XIRP2: variants seen among roughly 807,000 people sequenced by gnomAD.
XIRP2 encodes the protein xin actin-binding repeat-containing protein 2.
A neutral mutation model predicts 277.0 loss-of-function variants in XIRP2; 236 were observed. The observed-to-expected ratio is 0.85, with a 90% CI of 0.77 to 0.95. The LOEUF is 0.95. Ranked by LOEUF, XIRP2 falls within the 40% of genes least tolerant of loss-of-function variation. XIRP2 has a pLI of 0.00. For synonymous variants in XIRP2, 1,490 were observed against 1,416.5 expected (o/e 1.05, Z -1.17); for missense variants, 4,640 against 4,157.5 (o/e 1.12, Z -3.19).
intron 2 of XIRP2, among the ~76,000 whole-genome samples, chr2:167,088,107 G>T (rs1389941611): frequency 6.6e-6 from 1 of 152,098 alleles, no homozygotes; most frequent in East Asian, 1.9e-4. Flanking sequence ...GAAAGAATAG[G>T]AAGTATAGTT....
At chr2:167,098,653 A>C (rs1690395767) in intron 2 of XIRP2, among the ~76,000 whole-genome samples, 1 of 152,172 alleles carries the variant, frequency 6.6e-6, no homozygotes, top group Non-Finnish European at 1.5e-5. Flanking sequence ...GCCTTTTTGC[A>C]TGGGCTTTTC....
chr2:166,922,986 A>G (rs762938521), intron 2 of XIRP2, among the ~76,000 whole-genome samples: 10 of 151,924 alleles, frequency 6.6e-5, no homozygotes, highest in Non-Finnish European at 1.5e-4. Context: ...TTTGATCCTC[A>G]AGGGTATTCA....
intron 2 of XIRP2, among the ~76,000 whole-genome samples, chr2:166,976,823 A>G (rs1686729368): frequency 6.6e-6 from 1 of 152,168 alleles, no homozygotes; most frequent in Admixed American, 6.5e-5. Context: ...GGGGCTCTCC[A>G]TTTCCTCCAA....
intron 5 of XIRP2, among the ~76,000 whole-genome samples, chr2:167,231,783 A>C (rs934595515): frequency 1.3e-5 from 2 of 151,960 alleles, no homozygotes; most frequent in Non-Finnish European, 2.9e-5. Flanking sequence ...ATAGACAATC[A>C]ATTTTGATAA....
At chr2:167,110,952 T>C (rs991941410) in intron 2 of XIRP2, among the ~76,000 whole-genome samples, 9 of 152,264 alleles carry the variant, frequency 5.9e-5, no homozygotes, top group African/African-American at 2.2e-4. Context: ...AGGATTGCAT[T>C]CCTGATTTGG....
intron 2 of XIRP2, among the ~76,000 whole-genome samples, chr2:166,999,326 T>A (rs1042987440): frequency 6.6e-6 from 1 of 152,166 alleles, no homozygotes; most frequent in Admixed American, 6.5e-5. Context: ...TATTTTATTC[T>A]GTTTATTTCT....
intron 3 of XIRP2, among the ~76,000 whole-genome samples, chr2:167,199,793 C>T (rs887692791): frequency 2.6e-5 from 4 of 152,134 alleles, no homozygotes; most frequent in South Asian, 2.1e-4. Flanking sequence ...ATGACATTCT[C>T]GCCACAAGGG....
intron 2 of XIRP2, among the ~76,000 whole-genome samples, chr2:166,949,172 TATC>T (rs981041324): frequency 3.3e-5 from 5 of 152,076 alleles, no homozygotes; most frequent in Non-Finnish European, 5.9e-5. Context: ...AATCAAGAAT[TATC>T]ATTTTGCTAT....
intron 2 of XIRP2, among the ~76,000 whole-genome samples, chr2:167,107,734 G>T (rs150654360): frequency 0.013 from 1,911 of 151,568 alleles, 45 homozygotes; most frequent in African/African-American, 0.044. Context: ...GGTATCAATG[G>T]AATACTAGCC....
chr2:167,212,348 G>A (rs1447052791), intron 4 of XIRP2, among the ~76,000 whole-genome samples: 1 of 152,154 alleles, frequency 6.6e-6, no homozygotes, highest in Non-Finnish European at 1.5e-5. Context: ...TGGTTATTTA[G>A]TAAACAATAT....
Position 167,249,600 on chromosome 2 carries a change from T to A in XIRP2, c.8208T>A (p.Ser2736=). ...DHSYESHKQQ[S]EIDVQTFTKK... ...GCTATGAAAGTCATAAACAGCAATC[T>A]GAGATTGATGTTCAAACCTTTACCA... The change falls in exon 9 of 11, where the codon TCT becomes TCA. Residue 2736 remains serine, a synonymous_variant. Transcript: ENST00000409195. The A allele has an allele frequency of 6.2e-7, 1 of 1,613,620 alleles. No homozygotes were observed. Among genetic ancestry groups the A allele is most frequent in the Admixed American group, 1.7e-5 (1 of 59,956 alleles).
chr2:167,016,230 A>G (rs1013969267), intron 2 of XIRP2, among the ~76,000 whole-genome samples: 26 of 151,516 alleles, frequency 1.7e-4, no homozygotes, highest in Admixed American at 1.5e-3. Flanking sequence ...TACAATAACA[A>G]TCTCTGTTGA....
At chr2:166,936,103 T>C (rs1685491010) in intron 2 of XIRP2, among the ~76,000 whole-genome samples, 1 of 152,258 alleles carries the variant, frequency 6.6e-6, no homozygotes, top group Admixed American at 6.5e-5. Flanking sequence ...TGATTGCCAT[T>C]CTAACTGGTG....
chr2:166,988,450 T>TAAA (rs1553475855), intron 2 of XIRP2, among the ~76,000 whole-genome samples: 1 of 150,630 alleles, frequency 6.6e-6, no homozygotes, highest in South Asian at 2.1e-4. Flanking sequence ...GGGAAAACTT[T>TAAA]AGTTGGAGGA....
intron 3 of XIRP2, among the ~76,000 whole-genome samples, chr2:167,162,515 G>A (rs959224506): frequency 7.2e-5 from 11 of 152,078 alleles, no homozygotes; most frequent in East Asian, 1.9e-4. Flanking sequence ...ATCAGATCTC[G>A]TGAGACTTAT....
chr2:167,123,438 C>T (rs1691111395), intron 2 of XIRP2, among the ~76,000 whole-genome samples: 1 of 152,106 alleles, frequency 6.6e-6, no homozygotes, highest in South Asian at 2.1e-4. Context: ...TACTGGTTTG[C>T]TAGGGGTGCC....
rs184894977 is a variant in XIRP2, at chr2:167,000,204, G to A, written c.408+96314G>A. Among the ~76,000 whole-genome samples the A allele has an allele frequency of 1.6e-3, 241 of 152,216 alleles. 4 individuals carry two copies. The highest frequency in any genetic ancestry group is 5.7e-3 in the African/African-American group (238 of 41,550). ...TGATGAAATTGAAAGTATTCCTCTT[G>A]TGCCTTAGCTACTTTATGTTGTCTT... On this transcript the variant is annotated intron_variant, in intron 2 of 10. Transcript: ENST00000409195.
At chr2:167,239,759 T>C (rs1032538422) in intron 5 of XIRP2, 96 bp from the exon 6 acceptor site, 26 of 1,002,426 alleles carry the variant, frequency 2.6e-5, no homozygotes, top group Non-Finnish European at 3.7e-5. Context: ...AAGAATCTCA[T>C]TTTTTTTCAG....
At chr2:167,047,662 G>A (rs76331080) in intron 2 of XIRP2, among the ~76,000 whole-genome samples, 3,424 of 151,972 alleles carry the variant, frequency 0.023, 102 homozygotes, top group East Asian at 0.074. Flanking sequence ...ACAAGACAGG[G>A]CTGACAGTAG....
Sources: gnomAD v4.1 joint callset for allele counts (sites outside exome capture counted in the v4.1 genomes callset) on GRCh38, gnomAD v4.1.1 for gene constraint, MANE v1.5 for transcripts, NCBI Gene and HGNC (gene_info 2026-07-23, HGNC 2026-07-21) for gene names.